CSMD1: variants seen among roughly 807,000 people sequenced by gnomAD.
The protein encoded by CSMD1 is CUB and Sushi multiple domains 1, also known as CUB and sushi domain-containing protein 1.
Under a neutral mutation model 417.5 loss-of-function variants are expected in CSMD1, and 213 were observed. The observed-to-expected ratio is 0.51, with a 90% confidence interval of 0.46 to 0.57. The LOEUF is 0.57. CSMD1 is among the 20% of genes least tolerant of loss of function. The pLI is 0.00. For synonymous variants in CSMD1, 2,862 were observed against 1,736.8 expected (o/e 1.65, Z -16.11); for missense variants, 6,923 against 4,529.7 (o/e 1.53, Z -15.17).
chr8:3,835,691 C>A (rs923505667), intron 5 of CSMD1, among the ~76,000 whole-genome samples: 1 of 149,638 alleles, frequency 6.7e-6, no homozygotes, highest in Admixed American at 6.7e-5. Context: ...TGCACATGTA[C>A]CCTGAAACTT....
At chr8:4,767,440 A>T (rs575837624) in intron 1 of CSMD1, among the ~76,000 whole-genome samples, 106 of 152,228 alleles carry the variant, frequency 7.0e-4, no homozygotes, top group African/African-American at 2.5e-3. Flanking sequence ...CATCCTGACC[A>T]ATCCCGCACA....
At chr8:4,061,179 C>A (rs533342063) in intron 3 of CSMD1, among the ~76,000 whole-genome samples, 2 of 152,170 alleles carry the variant, frequency 1.3e-5, no homozygotes, top group Non-Finnish European at 2.9e-5. Flanking sequence ...AATCCCTCAG[C>A]TGCAGTTCTA....
chr8:3,910,794 A>G (rs1808408497), intron 5 of CSMD1, among the ~76,000 whole-genome samples: 1 of 152,184 alleles, frequency 6.6e-6, no homozygotes, highest in Non-Finnish European at 1.5e-5. Flanking sequence ...ATTATTACAA[A>G]TATAACTTGT....
At chr8:4,111,399 T>A (rs921346297) in intron 3 of CSMD1, among the ~76,000 whole-genome samples, 14 of 152,290 alleles carry the variant, frequency 9.2e-5, no homozygotes, top group South Asian at 2.1e-4. Context: ...TAAAAAAGTA[T>A]GTATCTTTAT....
At chr8:2,981,024 G>C (rs1483654172) in intron 54 of CSMD1, among the ~76,000 whole-genome samples, 3 of 152,168 alleles carry the variant, frequency 2.0e-5, no homozygotes, top group Non-Finnish European at 4.4e-5. Context: ...GTCCTACATA[G>C]AGTTGCAGTC....
At chr8:3,583,868 C>A (rs1302631677) in intron 9 of CSMD1, among the ~76,000 whole-genome samples, 1 of 151,604 alleles carries the variant, frequency 6.6e-6, no homozygotes, top group East Asian at 1.9e-4. Context: ...GGTTTCTTAT[C>A]CATCTTATCA....
chr8:3,637,348 C>G (rs34453240), intron 7 of CSMD1, among the ~76,000 whole-genome samples: 71,559 of 151,746 alleles, frequency 0.47, 16,997 homozygotes, highest in Middle Eastern at 0.64. Context: ...AATGTGGATT[C>G]TTATGAGTTT....
At chr8:3,240,287 C>A (rs992448030) in intron 26 of CSMD1, among the ~76,000 whole-genome samples, 11 of 151,970 alleles carry the variant, frequency 7.2e-5, no homozygotes, top group Non-Finnish European at 1.2e-4. Context: ...CTTCAAGGAA[C>A]GGAAAGAGGA....
chr8:3,427,964 T>C lies in CSMD1; in HGVS notation c.1562-18359A>G, dbSNP rs185121401. ...ATCAGGAATTAATAAGGTAAAGGAATTTTGAATTTTAGAAAATGGAATTAA... is the reference window on the plus strand; with the variant it reads ...ATCAGGAATTAATAAGGTAAAGGAACTTTGAATTTTAGAAAATGGAATTAA... On this transcript the variant is annotated intron_variant, in intron 12 of 69. Transcript: ENST00000635120. Among the ~76,000 whole-genome samples the C allele has an allele frequency of 2.0e-5, 3 of 152,164 alleles. No individual in the cohort carries two copies. In the East Asian group the frequency reaches 5.8e-4, roughly 29 times the overall value.
intron 12 of CSMD1, among the ~76,000 whole-genome samples, chr8:3,441,514 C>T (rs57817395): frequency 0.7 from 96,202 of 137,562 alleles, 32,456 homozygotes; most frequent in African/African-American, 0.75. Flanking sequence ...TATATATACA[C>T]ACACACACAC....
At chr8:4,651,674 G>T (rs1371551972) in intron 1 of CSMD1, among the ~76,000 whole-genome samples, 3 of 152,088 alleles carry the variant, frequency 2.0e-5, no homozygotes, top group Non-Finnish European at 4.4e-5. Context: ...TTTCTGCCAG[G>T]TATATGATGA....
intron 37 of CSMD1, among the ~76,000 whole-genome samples, chr8:3,175,748 G>C (rs192236425): frequency 9.9e-5 from 15 of 152,268 alleles, no homozygotes; most frequent in Admixed American, 3.9e-4. Flanking sequence ...TACTATGTAA[G>C]AAAGAGTAAC....
chr8:4,955,899 C>A (rs1053966244), intron 1 of CSMD1, among the ~76,000 whole-genome samples: 8 of 152,138 alleles, frequency 5.3e-5, no homozygotes, highest in Non-Finnish European at 1.0e-4. Context: ...ACTTCAGAGG[C>A]AAAAAATTAT....
intron 6 of CSMD1, among the ~76,000 whole-genome samples, chr8:3,715,663 C>G (rs1295522393): frequency 6.6e-6 from 1 of 152,172 alleles, no homozygotes; most frequent in East Asian, 1.9e-4. Flanking sequence ...CTGCCTTGGC[C>G]TCCTGAGTAG....
intron 12 of CSMD1, among the ~76,000 whole-genome samples, chr8:3,454,730 C>G (rs545660989): frequency 6.6e-6 from 1 of 152,192 alleles, no homozygotes; most frequent in African/African-American, 2.4e-5. Context: ...ACCTTTCTCT[C>G]TGCCTGCCCT....
rs1238728884 is a variant in CSMD1, at chr8:3,385,107, TA to T, written c.2782+2386del. On this transcript the variant is annotated intron_variant, in intron 18 of 69. Coordinates refer to ENST00000635120, the MANE Select transcript of CSMD1 (RefSeq NM_033225.6). ...TTTATATATAAAATATATATATAAA[TA>T]AAAATATATATAATATATAAATATA... is the stretch of plus-strand genomic sequence containing the variant. 5.6e-5 allele frequency among the ~76,000 whole-genome samples: 5 copies of T among 89,986 alleles called. No individual in the cohort carries two copies. The East Asian group carries it at 7.5e-4, about 13-fold the overall frequency. 59.0% of individuals were successfully genotyped at this position (89,986 alleles called of 152,430 possible).
chr8:4,634,409 A>T (rs11993901), intron 2 of CSMD1, among the ~76,000 whole-genome samples: 17,608 of 152,220 alleles, frequency 0.12, 1,092 homozygotes, highest in African/African-American at 0.14. Context: ...GGTTATGTGA[A>T]AGAAATTTAT....
intron 1 of CSMD1, among the ~76,000 whole-genome samples, chr8:4,944,644 G>C (rs1203353532): frequency 3.9e-5 from 6 of 152,278 alleles, no homozygotes; most frequent in East Asian, 3.9e-4. Context: ...AGCATATGAA[G>C]AGATGTTCGA....
At position 4,859,976 on chromosome 8, in the gene CSMD1, C is replaced by T. The variant is rs150409155; in HGVS notation, c.85+134356G>A. On this transcript the variant is annotated intron_variant, in intron 1 of 69. Transcript: ENST00000635120. ...ACATGCACACATATGTTTATTGCCG[C>T]GTTATTCACGATAGCAAAGACTTGG... 5.3e-3 allele frequency among the ~76,000 whole-genome samples: 799 copies of T among 152,056 alleles called. 6 individuals are homozygous for T. The highest frequency in any genetic ancestry group is 0.016 in the African/African-American group (664 of 41,450).
Sources: gnomAD v4.1 joint callset for allele counts (sites outside exome capture counted in the v4.1 genomes callset) on GRCh38, gnomAD v4.1.1 for gene constraint, MANE v1.5 for transcripts, NCBI Gene and HGNC (gene_info 2026-07-23, HGNC 2026-07-21) for gene names.